Variants in ZNF576 observed in about 807,000 individuals in gnomAD.
ZNF576 encodes the protein zinc finger protein 576.
Under a neutral mutation model 10.8 loss-of-function variants are expected in ZNF576, and 9 were observed. The ratio of observed to expected loss-of-function variants is 0.84; its 90% confidence interval spans 0.50 to 1.46. ZNF576 has a LOEUF of 1.46. Among genes scored for constraint, ZNF576 ranks in the 40% most tolerant of loss-of-function variants. The pLI is 0.00. For missense variants in ZNF576, 191 were observed against 233.7 expected (o/e 0.82, Z 1.19); for synonymous variants, 88 against 89.6 (o/e 0.98, Z 0.10).
Position 43,599,434 on chromosome 19 carries a change from G to C in ZNF576, c.*176G>C. The C allele has an allele frequency of 1.6e-6, 1 of 629,990 alleles. No individual in the cohort carries two copies. The highest frequency in any genetic ancestry group is 2.7e-6 in the Non-Finnish European group (1 of 370,444). 39.0% of individuals were successfully genotyped at this position (629,990 alleles called of 1,614,324 possible). A position where few individuals can be genotyped will look rare whatever the true frequency, so the allele number is the denominator to read the frequency against. The stretch of plus-strand genomic sequence containing the variant: ...TTCTTATTTAGAGCTTCAGTCTTTG[G>C]AGCACACAGGGCCTTCGTGAGACAG... On this transcript the variant is annotated 3_prime_UTR_variant, in exon 3 of 3. Transcript: ENST00000336564.
rs1230373284 is a variant in ZNF576, at chr19:43,599,182, C to G, written c.437C>G (p.Thr146Arg). The G allele has an allele frequency of 1.9e-6, 3 of 1,614,264 alleles. No homozygotes were observed. Among genetic ancestry groups the G allele is most frequent in the East Asian group, 2.2e-5 (1 of 44,892 alleles). The change falls in exon 3 of 3, where the codon ACA (threonine) becomes AGA (arginine). Residue 146 changes from threonine (T) to arginine (R), a missense_variant. By Grantham distance (71) the Thr-to-Arg change is moderately conservative (BLOSUM62 -1). Transcript: ENST00000336564. Reference sequence around the variant, plus strand: ...GCCCCTCCTGGCACCTTCGCCTGCACAGAGTGCGGTCAGGACTTTGCTCAG... The same window carrying G: ...GCCCCTCCTGGCACCTTCGCCTGCAGAGAGTGCGGTCAGGACTTTGCTCAG... ...VRAPPGTFAC[T>R]ECGQDFAQEA...
intron 1 of ZNF576, 58 bp from the exon 2 acceptor site, chr19:43,597,036 C>T (rs890646571): frequency 4.1e-5 from 60 of 1,460,666 alleles, no homozygotes; most frequent in Non-Finnish European, 5.2e-5. Context: ...CTTAGGGTGC[C>T]CTCTAAGACT....
In ZNF576 at chr19:43,600,237, G is replaced by A. The variant is rs1479550689; in HGVS notation, c.*979G>A. 3.3e-5 allele frequency: 5 copies of A among 152,266 alleles called. No individual in the cohort carries two copies. Among genetic ancestry groups the A allele is most frequent in the African/African-American group, 1.2e-4 (5 of 41,466 alleles). The allele number at this position is 152,266 out of a possible 1,614,324, so 9.4% of individuals were successfully genotyped here. On this transcript the variant is annotated 3_prime_UTR_variant, in exon 3 of 3. Transcript: ENST00000336564. ...CATTGTCAGCAGGGGCAGGACAGAA[G>A]TTACAACAGGCTGGAGGGAGCAGTG... is the stretch of plus-strand genomic sequence containing the variant.
Position 43,599,393 on chromosome 19 carries a change from A to C in ZNF576, c.*135A>C. Reference sequence around the variant, plus strand: ...CTGGGAAGGCAGAGGGCTCTTAATAAAGAGGACCCAGAAGATTCTTATTTA... The same window carrying C: ...CTGGGAAGGCAGAGGGCTCTTAATACAGAGGACCCAGAAGATTCTTATTTA... On this transcript the variant is annotated 3_prime_UTR_variant, in exon 3 of 3. Coordinates refer to ENST00000336564, the MANE Select transcript of ZNF576 (RefSeq NM_001145347.2). The C allele has an allele frequency of 1.2e-6, 1 of 851,850 alleles. No homozygotes were observed. The highest frequency in any genetic ancestry group is 1.8e-6 in the Non-Finnish European group (1 of 564,820). The allele number at this position is 851,850 out of a possible 1,614,324, so 52.8% of individuals were successfully genotyped here. A position where few individuals can be genotyped will look rare whatever the true frequency, so the allele number is the denominator to read the frequency against.
chr19:43,597,252 T>A (rs1162768871), intron 2 of ZNF576, 59 bp downstream of exon 2: 5 of 1,501,336 alleles, frequency 3.3e-6, no homozygotes, highest in Non-Finnish European at 4.6e-6. Flanking sequence ...GATGCTAAGA[T>A]CTCTGTGGCA....
At position 43,599,302 on chromosome 19, in the gene ZNF576, G is replaced by A; in HGVS notation, c.*44G>A. ...CACGGTGACGGGTGGCTCTGTGGCT[G>A]GTAGGACTCACCCATGATATGGGGT... is the stretch of plus-strand genomic sequence containing the variant. On this transcript the variant is annotated 3_prime_UTR_variant, in exon 3 of 3. Coordinates refer to ENST00000336564, the MANE Select transcript of ZNF576 (RefSeq NM_001145347.2). The A allele has an allele frequency of 6.4e-7, 1 of 1,569,564 alleles. No individual in the cohort carries two copies. Among genetic ancestry groups the A allele is most frequent in the Non-Finnish European group, 8.7e-7 (1 of 1,152,710 alleles).
In ZNF576 at chr19:43,599,307, G is replaced by A; in HGVS notation, c.*49G>A. On this transcript the variant is annotated 3_prime_UTR_variant, in exon 3 of 3. Transcript: ENST00000336564. ...TGACGGGTGGCTCTGTGGCTGGTAG[G>A]ACTCACCCATGATATGGGGTGCAGG... The A allele has an allele frequency of 1.9e-6, 3 of 1,563,704 alleles. No homozygotes were observed. Among genetic ancestry groups the A allele is most frequent in the Admixed American group, 3.5e-5 (2 of 56,346 alleles).
chr19:43,597,077 G>C lies in ZNF576; in HGVS notation c.-15-17G>C. The C allele has an allele frequency of 6.2e-7, 1 of 1,609,496 alleles. No individual in the cohort carries two copies. Among genetic ancestry groups the C allele is most frequent in the Middle Eastern group, 1.7e-4 (1 of 6,056 alleles). ...CAGATGAACAGCTTCACTTATGCAC[G>C]CTCCTCTCCTGACTAGAAGGGTCCC... On this transcript the variant is annotated splice_polypyrimidine_tract_variant and intron_variant, in intron 1 of 2. Coordinates refer to ENST00000336564, the MANE Select transcript of ZNF576 (RefSeq NM_001145347.2).
rs191374565 is a variant in ZNF576, at chr19:43,598,815, C to A, written c.86-16C>A. On this transcript the variant is annotated splice_polypyrimidine_tract_variant and intron_variant, in intron 2 of 2. Transcript: ENST00000336564. Reference sequence around the variant, plus strand: ...CTCCTGCTGGCCTCCCCTGACCTCTCCCCCACATTCCTCAGGCCACCTGGG... The same window carrying A: ...CTCCTGCTGGCCTCCCCTGACCTCTACCCCACATTCCTCAGGCCACCTGGG... The A allele has an allele frequency of 3.6e-4, 550 of 1,540,184 alleles. 1 individual carries two copies. The highest frequency in any genetic ancestry group is 1.1e-4 in the Non-Finnish European group (124 of 1,141,054).
chr19:43,597,489 G>A lies in ZNF576; in HGVS notation c.85+296G>A, dbSNP rs1004940607. ...ATGTGGCTGGGAATGGTTCTATTGG[G>A]AGAGAAACCCCAAGATTCTGGTCCC... On this transcript the variant is annotated intron_variant, in intron 2 of 2. Transcript: ENST00000336564. 7 of 298,352 alleles carry A rather than the reference G, an allele frequency of 2.3e-5. No homozygotes were observed. In the Admixed American group the frequency reaches 3.1e-4, roughly 13 times the overall value. 18.5% of individuals were successfully genotyped at this position (298,352 alleles called of 1,614,324 possible).
At chr19:43,597,051 A>G in intron 1 of ZNF576, 43 bp from the exon 2 acceptor site, 1 of 1,576,678 alleles carries the variant, frequency 6.3e-7, no homozygotes, top group Non-Finnish European at 8.7e-7. Flanking sequence ...AAGACTGGTA[A>G]CAGATGAACA....
chr19:43,597,476 A>T (rs1973160109), intron 2 of ZNF576: 1 of 344,322 alleles, frequency 2.9e-6, no homozygotes, highest in Non-Finnish European at 5.6e-6. Context: ...GTGGCTGGGA[A>T]TGGTTCTATT....
Position 43,598,912 on chromosome 19 carries a change from A to G in ZNF576, c.167A>G (p.Glu56Gly), listed in dbSNP as rs1192085171. 6.2e-7 allele frequency: 1 copy of G among 1,611,824 alleles called. No homozygotes were observed. The highest frequency in any genetic ancestry group is 1.1e-5 in the South Asian group (1 of 90,948). ...SKFQERHMKR[E>G]HPADFVAQKL... is the part of the protein sequence containing the mutation. ...TTCCAGGAGCGTCACATGAAGCGGG[A>G]GCACCCAGCGGACTTCGTGGCCCAG... The change falls in exon 3 of 3, where the codon GAG becomes GGG. Residue 56 changes from glutamate (E) to glycine (G), a missense_variant. Transcript: ENST00000336564.
rs747485792 is a variant in ZNF576 at position 43,599,039 on chromosome 19, G to A, written c.294G>A (p.Lys98=). The A allele has an allele frequency of 6.2e-7, 1 of 1,614,178 alleles. No homozygotes were observed. The change falls in exon 3 of 3, where the codon AAG becomes AAA. Residue 98 remains lysine, a synonymous_variant. Transcript: ENST00000336564. ...AGCGCAGCCACGGTCCAGCCGCCAA[G>A]CCCACCCTGCCGGTTGCAACCACTA... is the stretch of plus-strand genomic sequence containing the variant. The part of the protein sequence containing the change: ...THQRSHGPAA[K]PTLPVATTTA...
upstream of ZNF576, chr19:43,596,444 G>T (rs1175989727): frequency 6.6e-6 from 1 of 152,476 alleles, no homozygotes; most frequent in Admixed American, 6.5e-5. Context: ...GCAAATCCGG[G>T]ATCTCGGCTC....
Position 43,597,287 on chromosome 19 carries a change from G to A in ZNF576, c.85+94G>A, listed in dbSNP as rs544192828. 1.8e-4 allele frequency: 211 copies of A among 1,154,058 alleles called. 2 individuals carry two copies. The South Asian group carries it at 2.5e-3, about 14-fold the overall frequency. 71.5% of individuals were successfully genotyped at this position (1,154,058 alleles called of 1,614,324 possible). A position where few individuals can be genotyped will look rare whatever the true frequency, so the allele number is the denominator to read the frequency against. ...ACTTCGGTGTCCAAGGCGCCACAGA[G>A]TTTTGCCTGTTGAGAAGGGGCTGTA... is the stretch of plus-strand genomic sequence containing the variant. On this transcript the variant is annotated intron_variant, in intron 2 of 2. Coordinates refer to ENST00000336564, the MANE Select transcript of ZNF576 (RefSeq NM_001145347.2).
Position 43,599,421 on chromosome 19 carries a change from G to C in ZNF576, c.*163G>C. 1 of 687,750 alleles carries C rather than the reference G, an allele frequency of 1.5e-6. No homozygotes were observed. Among genetic ancestry groups the C allele is most frequent in the Non-Finnish European group, 2.4e-6 (1 of 420,938 alleles). The allele number at this position is 687,750 out of a possible 1,614,324, so 42.6% of individuals were successfully genotyped here. ...AGGACCCAGAAGATTCTTATTTAGA[G>C]CTTCAGTCTTTGGAGCACACAGGGC... is the stretch of plus-strand genomic sequence containing the variant. On this transcript the variant is annotated 3_prime_UTR_variant, in exon 3 of 3. Transcript: ENST00000336564.
chr19:43,600,357 T>A lies in ZNF576; in HGVS notation c.*1099T>A, dbSNP rs1973196487. The A allele has an allele frequency of 6.6e-6, 1 of 152,380 alleles. No individual in the cohort carries two copies. The highest frequency in any genetic ancestry group is 3.4e-3 in the Middle Eastern group (1 of 294). 9.4% of individuals were successfully genotyped at this position (152,380 alleles called of 1,614,324 possible). A position where few individuals can be genotyped will look rare whatever the true frequency, so the allele number is the denominator to read the frequency against. ...TGCAGACAATGGTCGATGCCTTGCA[T>A]ATAATACTTATAGACTCTGTTTATG... On this transcript the variant is annotated 3_prime_UTR_variant, in exon 3 of 3. Transcript: ENST00000336564.
rs895727752 is a variant in ZNF576, at chr19:43,601,118, CAG to C, written c.*1861_*1862del. 13 of 152,216 alleles carry C rather than the reference CAG, an allele frequency of 8.5e-5. No homozygotes were observed. Among genetic ancestry groups the C allele is most frequent in the Non-Finnish European group, 1.5e-4 (10 of 68,044 alleles). 9.4% of individuals were successfully genotyped at this position (152,216 alleles called of 1,614,324 possible). ...ATGCAACAGAATTTACAGCCTAAGA[CAG>C]GGGTCTGCAAACTATGGCCAACTCT... On this transcript the variant is annotated 3_prime_UTR_variant, in exon 3 of 3. Coordinates refer to ENST00000336564, the MANE Select transcript of ZNF576 (RefSeq NM_001145347.2).
Sources: gnomAD v4.1 joint callset for allele counts on GRCh38, gnomAD v4.1.1 for gene constraint, MANE v1.5 for transcripts, NCBI Gene and HGNC (gene_info 2026-07-23, HGNC 2026-07-21) for gene names.